The following TNIP3 variants were observed in gnomAD, a reference collection of about 807,000 sequenced individuals.
TNIP3 encodes TNFAIP3 interacting protein 3.
In TNIP3, 34 loss-of-function variants were observed where a neutral mutation model predicts 54.1. The ratio of observed to expected loss-of-function variants is 0.63; its 90% CI spans 0.48 to 0.84. TNIP3 has a LOEUF of 0.84. Among genes scored for constraint, TNIP3 ranks in the 40% least tolerant of loss-of-function variants. The pLI is 0.00. For synonymous variants in TNIP3, 134 were observed against 136.8 expected, an observed-to-expected ratio of 0.98 and a Z score of 0.14; for missense variants, 366 against 387.6, an observed-to-expected ratio of 0.94 and a Z score of 0.47.
In TNIP3 at chr4:121,147,021, G is replaced by A. The variant is rs374546600; in HGVS notation, c.735+28C>T. The A allele has an allele frequency of 3.2e-6, 5 of 1,587,010 alleles. No homozygotes were observed. The African/African-American group carries it at 5.5e-5, about 17-fold the overall frequency. ...ATGAAAAAAATATACATACATGCTG[G>A]CAAAGATTATTTTGTTTTGACTTGT... On this transcript the variant is annotated intron_variant, in intron 7 of 10. Transcript: ENST00000057513.
intron 3 of TNIP3, among the ~76,000 whole-genome samples, chr4:121,181,164 C>T (rs546620366): frequency 2.0e-5 from 3 of 152,054 alleles, no homozygotes; most frequent in Admixed American, 6.5e-5. Flanking sequence ...ACCAAGAAGT[C>T]GAATGAACAG....
intron 3 of TNIP3, among the ~76,000 whole-genome samples, chr4:121,180,619 A>T (rs773802218): frequency 6.6e-6 from 1 of 152,186 alleles, no homozygotes; most frequent in East Asian, 1.9e-4. Context: ...GAGTTCAAAC[A>T]TTACCCATAA....
intron 2 of TNIP3, among the ~76,000 whole-genome samples, chr4:121,207,016 G>A (rs1209087317): frequency 6.6e-6 from 1 of 151,994 alleles, no homozygotes; most frequent in African/African-American, 2.4e-5. Flanking sequence ...AACAGCTAAG[G>A]CAAAAAAATG....
chr4:121,217,367 C>T (rs927043382), upstream of TNIP3, among the ~76,000 whole-genome samples: 4 of 148,430 alleles, frequency 2.7e-5, no homozygotes, highest in Non-Finnish European at 6.0e-5. Context: ...TAACAACAAC[C>T]AAAAAAAAAA....
intron 8 of TNIP3, 60 bp downstream of exon 8, chr4:121,142,666 G>A: frequency 6.8e-7 from 1 of 1,463,392 alleles, no homozygotes; most frequent in Non-Finnish European, 9.5e-7. Context: ...TCTTTAATTG[G>A]GACAATGAGA....
In TNIP3 at chr4:121,157,141, CCT is replaced by C; in HGVS notation, c.314_315del (p.Glu105GlyfsTer24). ...QRQRKDDRQR[E>X]DDRQRDLTRD... The stretch of plus-strand genomic sequence containing the variant: ...CGGGTCAGGTCGCGCTGCCTGTCGT[CCT>C]CTCTCTGCCTGTCGTCCTTTCTCTG... On this transcript the variant is annotated frameshift_variant, in exon 4 of 11. Transcript: ENST00000057513. LOFTEE classifies it high-confidence loss of function. 1 of 1,604,092 alleles carries C rather than the reference CCT, an allele frequency of 6.2e-7. No individual in the cohort carries two copies. The highest frequency in any genetic ancestry group is 2.2e-5 in the East Asian group (1 of 44,850).
chr4:121,165,059 A>G (rs1322861648), upstream of TNIP3, among the ~76,000 whole-genome samples: 1 of 152,018 alleles, frequency 6.6e-6, no homozygotes. Flanking sequence ...CTTGGAACAA[A>G]AGGAAAGAGG....
chr4:121,208,247 T>C (rs1411352780), intron 2 of TNIP3, among the ~76,000 whole-genome samples: 1 of 152,084 alleles, frequency 6.6e-6, no homozygotes, highest in Non-Finnish European at 1.5e-5. Context: ...GAAATTATGG[T>C]TTAGGAGTCA....
Position 121,132,384 on chromosome 4 carries a change from A to G in TNIP3, c.*247T>C. 1 of 459,966 alleles carries G rather than the reference A, an allele frequency of 2.2e-6. No homozygotes were observed. 28.5% of individuals were successfully genotyped at this position (459,966 alleles called of 1,614,324 possible). A position where few individuals can be genotyped will look rare whatever the true frequency, so the allele number is the denominator to read the frequency against. Reference sequence around the variant, plus strand: ...GGGAGTCGTGCATCATCCATCTGCCAAGTCTCATTTCAAGGAAACTGGAAG... The same window carrying G: ...GGGAGTCGTGCATCATCCATCTGCCGAGTCTCATTTCAAGGAAACTGGAAG... On this transcript the variant is annotated 3_prime_UTR_variant, in exon 11 of 11. Transcript: ENST00000057513.
At chr4:121,213,199 A>G (rs1285269453) in intron 2 of TNIP3, among the ~76,000 whole-genome samples, 8 of 152,184 alleles carry the variant, frequency 5.3e-5, no homozygotes, top group Non-Finnish European at 1.0e-4. Flanking sequence ...AATCCACCAT[A>G]TCATTACCAG....
At chr4:121,224,427 C>T (rs1727175288) in intron 1 of TNIP3, among the ~76,000 whole-genome samples, 1 of 152,044 alleles carries the variant, frequency 6.6e-6, no homozygotes, top group South Asian at 2.1e-4. Context: ...TCCCTGAGCA[C>T]TGGACTTCCG....
chr4:121,174,799 G>A (rs1014535577), intron 3 of TNIP3, among the ~76,000 whole-genome samples: 7 of 152,088 alleles, frequency 4.6e-5, no homozygotes, highest in South Asian at 4.1e-4. Flanking sequence ...AGTAAAAAGT[G>A]TTTTTATTAC....
intron 10 of TNIP3, among the ~76,000 whole-genome samples, chr4:121,136,270 ATAT>A (rs1435964681): frequency 3.3e-5 from 5 of 152,216 alleles, no homozygotes; most frequent in African/African-American, 1.2e-4. Flanking sequence ...AATGCTAGTC[ATAT>A]TATTATCTAT....
intron 2 of TNIP3, among the ~76,000 whole-genome samples, chr4:121,196,023 A>G: frequency 6.6e-6 from 1 of 152,244 alleles, no homozygotes; most frequent in East Asian, 1.9e-4. Context: ...GGAGCCAGGC[A>G]CTGCATTAAA....
intron 2 of TNIP3, among the ~76,000 whole-genome samples, chr4:121,159,093 C>T (rs6848563): frequency 0.012 from 1,870 of 152,110 alleles, 18 homozygotes; most frequent in Non-Finnish European, 0.019. Context: ...AAATACAAAA[C>T]TTAGCCGGAC....
chr4:121,194,666 TA>T (rs1279498230), intron 2 of TNIP3, among the ~76,000 whole-genome samples: 1 of 152,096 alleles, frequency 6.6e-6, no homozygotes, highest in East Asian at 1.9e-4. Context: ...GTTCAAATAG[TA>T]AAAAACACAA....
chr4:121,159,213 A>G (rs1730298119), intron 2 of TNIP3, among the ~76,000 whole-genome samples: 2 of 152,314 alleles, frequency 1.3e-5, no homozygotes, highest in South Asian at 4.1e-4. Context: ...ACTGCACTCC[A>G]TCCTGGGCGA....
Position 121,158,727 on chromosome 4 carries a change from T to A in TNIP3, c.173A>T (p.Asp58Val). ...KELLEVNQQW[D>V]QQFRSMKELY... Reference sequence around the variant, plus strand: ...CTCTTTCATACTTCTAAATTGCTGATCCCATTGCTGGTTAACTTCCAGGAG... The same window carrying A: ...CTCTTTCATACTTCTAAATTGCTGAACCCATTGCTGGTTAACTTCCAGGAG... Residue 58 changes from aspartate to valine, a missense_variant, in exon 3 of 11, where the codon GAT (aspartate) becomes GTT (valine). Transcript: ENST00000057513. 1.2e-6 allele frequency: 2 copies of A among 1,612,986 alleles called. No homozygotes were observed. Among genetic ancestry groups the A allele is most frequent in the Non-Finnish European group, 1.7e-6 (2 of 1,179,692 alleles).
intron 2 of TNIP3, among the ~76,000 whole-genome samples, chr4:121,212,966 TCTTC>T (rs1579503076): frequency 6.6e-6 from 1 of 152,326 alleles, no homozygotes; most frequent in Non-Finnish European, 1.5e-5. Flanking sequence ...CCTACACTTC[TCTTC>T]CTTTTACGAG....
Sources: gnomAD v4.1 joint callset for allele counts (sites outside exome capture counted in the v4.1 genomes callset) on GRCh38, gnomAD v4.1.1 for gene constraint, MANE v1.5 for transcripts, NCBI Gene and HGNC (gene_info 2026-07-23, HGNC 2026-07-21) for gene names.